The following MINK1 variants were observed in gnomAD, a reference collection of about 807,000 sequenced individuals.
MINK1 encodes misshapen-like kinase 1.
Under a neutral mutation model 178.4 loss-of-function variants are expected in MINK1, and 46 were observed. The ratio of observed to expected loss-of-function variants is 0.26; its 90% confidence interval spans 0.20 to 0.33. MINK1 has a LOEUF of 0.33. Ranked by LOEUF, MINK1 falls within the 10% of genes least tolerant of loss-of-function variation. MINK1 has a pLI of 1.00. For synonymous variants in MINK1, 797 were observed against 709.7 expected, an observed-to-expected ratio of 1.12 and a Z score of -1.96; for missense variants, 1,366 against 1,814.9, an observed-to-expected ratio of 0.75 and a Z score of 4.49.
intron 1 of MINK1, among the ~76,000 whole-genome samples, chr17:4,842,874 C>G (rs906921333): frequency 2.6e-5 from 4 of 152,186 alleles, no homozygotes; most frequent in African/African-American, 7.2e-5. Context: ...TTACTTACAT[C>G]TGGGGGAGTG....
At chr17:4,861,193 T>A (rs570920604) in intron 1 of MINK1, among the ~76,000 whole-genome samples, 2 of 152,200 alleles carry the variant, frequency 1.3e-5, no homozygotes, top group South Asian at 4.1e-4. Context: ...GTGAGGCGAG[T>A]GCAGTGTCAC....
Position 4,886,139 on chromosome 17 carries a change from C to T in MINK1, c.714C>T (p.Pro238=). ...GTCCAGCTCTGTGTGACATGCACCC[C>T]ATGCGAGCCCTCTTCCTCATTCCTC... ...EGAPPLCDMH[P]MRALFLIPRN... is the part of the protein sequence containing the mutation. The change falls in exon 9 of 32, where the codon CCC becomes CCT. Residue 238 remains proline (P), a synonymous_variant. Coordinates refer to ENST00000355280, the MANE Select transcript of MINK1 (RefSeq NM_153827.5). This position sits in a 1 kb window ranked among gnomAD's most constrained non-coding sequence, Gnocchi z 6.1. 6.2e-7 allele frequency: 1 copy of T among 1,613,948 alleles called. No individual in the cohort carries two copies. Among genetic ancestry groups the T allele is most frequent in the Non-Finnish European group, 8.5e-7 (1 of 1,179,864 alleles).
intron 1 of MINK1, chr17:4,875,069 G>C (rs747368381): frequency 1.2e-5 from 6 of 520,100 alleles, no homozygotes; most frequent in South Asian, 8.4e-5. Context: ...AAGAGCTACA[G>C]TTTGATTCAA....
rs887546472 is a variant in MINK1 at position 4,887,847 on chromosome 17, G to A, written c.1230+57G>A. 3 of 1,359,478 alleles carry A rather than the reference G, an allele frequency of 2.2e-6. No homozygotes were observed. The highest frequency in any genetic ancestry group is 2.9e-6 in the Non-Finnish European group (3 of 1,032,282). The allele number at this position is 1,359,478 out of a possible 1,614,324, so 84.2% of individuals were successfully genotyped here. A position where few individuals can be genotyped will look rare whatever the true frequency, so the allele number is the denominator to read the frequency against. ...GCGGCCTCCTCCTGACCTGCCCCGGGTCCATTAGGGCCTTGGAGAACAGGT... is the reference window on the plus strand; with the variant it reads ...GCGGCCTCCTCCTGACCTGCCCCGGATCCATTAGGGCCTTGGAGAACAGGT... On this transcript the variant is annotated intron_variant, in intron 12 of 31. Coordinates refer to ENST00000355280, the MANE Select transcript of MINK1 (RefSeq NM_153827.5). The surrounding 1 kb of genome is among the most constrained non-coding windows in gnomAD (Gnocchi z 7.6).
chr17:4,897,156 AC>A lies in MINK1; in HGVS notation c.3916-41del, dbSNP rs535101918. ...CTTCTTTCCCTCTCCCAGTTGAGACACCCCCCCAACCTCAGCCCTTGGTGAC... is the reference window on the plus strand; with the variant it reads ...CTTCTTTCCCTCTCCCAGTTGAGACACCCCCCAACCTCAGCCCTTGGTGAC... On this transcript the variant is annotated intron_variant, in intron 31 of 31. Transcript: ENST00000355280. The A allele has an allele frequency of 5.0e-5, 76 of 1,512,532 alleles. No homozygotes were observed. The Admixed American group carries it at 5.2e-4, about 10-fold the overall frequency. 93.7% of individuals were successfully genotyped at this position (1,512,532 alleles called of 1,614,324 possible).
At position 4,887,246 on chromosome 17, in the gene MINK1, T is replaced by C; in HGVS notation, c.1019+67T>C. The C allele has an allele frequency of 6.8e-7, 1 of 1,479,452 alleles. No homozygotes were observed. Among genetic ancestry groups the C allele is most frequent in the African/African-American group, 1.4e-5 (1 of 71,668 alleles). 91.6% of individuals were successfully genotyped at this position (1,479,452 alleles called of 1,614,324 possible). On this transcript the variant is annotated intron_variant, in intron 11 of 31. Coordinates refer to ENST00000355280, the MANE Select transcript of MINK1 (RefSeq NM_153827.5). The surrounding 1 kb of genome is among the most constrained non-coding windows in gnomAD (Gnocchi z 7.6). Reference sequence around the variant, plus strand: ...TGAGTGGGGGGACTACAGTGGTGCTTGGCTTTGGGGACTCTCAGCCTGGGG... The same window carrying C: ...TGAGTGGGGGGACTACAGTGGTGCTCGGCTTTGGGGACTCTCAGCCTGGGG...
At chr17:4,893,960 G>A (rs767785723) in intron 21 of MINK1, 28 bp from the exon 22 acceptor site, 9 of 1,530,380 alleles carry the variant, frequency 5.9e-6, no homozygotes, top group Non-Finnish European at 7.9e-6. Flanking sequence ...GGCAGGACCT[G>A]GAGGGGCCCC....
chr17:4,882,374 C>G (rs1414588467), intron 4 of MINK1, among the ~76,000 whole-genome samples: 3 of 152,246 alleles, frequency 2.0e-5, no homozygotes, highest in Non-Finnish European at 4.4e-5. Context: ...TCTTCTCTGC[C>G]TGCGGGTCTC....
At chr17:4,837,245 G>C (rs574518463) in intron 1 of MINK1, among the ~76,000 whole-genome samples, 5 of 152,132 alleles carry the variant, frequency 3.3e-5, no homozygotes, top group African/African-American at 1.2e-4. Flanking sequence ...TGGCTGTTTT[G>C]TTCATTTTTG....
rs148748824 is a variant in MINK1 at position 4,894,489 on chromosome 17, G to C, written c.2809-36G>C. Reference sequence around the variant, plus strand: ...CAGGGGCAGGGCCGCAGCTGGACTTGCACTTGTTTGCCTGACTGCTGTCCC... The same window carrying C: ...CAGGGGCAGGGCCGCAGCTGGACTTCCACTTGTTTGCCTGACTGCTGTCCC... On this transcript the variant is annotated intron_variant, in intron 23 of 31. Transcript: ENST00000355280. This position sits in a 1 kb window ranked among gnomAD's most constrained non-coding sequence, Gnocchi z 4.1. 3.9e-6 allele frequency: 6 copies of C among 1,551,200 alleles called. No individual in the cohort carries two copies. Among genetic ancestry groups the C allele is most frequent in the Non-Finnish European group, 4.4e-6 (5 of 1,142,058 alleles).
chr17:4,859,574 G>C (rs138540601), intron 1 of MINK1, among the ~76,000 whole-genome samples: 5 of 151,932 alleles, frequency 3.3e-5, no homozygotes, highest in Admixed American at 6.6e-5. Context: ...GATCACATGA[G>C]GTCAGGAGTT....
intron 5 of MINK1, 100 bp from the exon 6 acceptor site, chr17:4,884,812 G>GT: frequency 9.5e-7 from 1 of 1,051,478 alleles, no homozygotes; most frequent in South Asian, 1.4e-5. Flanking sequence ...GCCCAGCCCT[G>GT]TCCAGACTGA....
rs1597596810 is a variant in MINK1, at chr17:4,896,432, C to G, written c.3619C>G (p.Gln1207Glu). 1 of 1,613,796 alleles carries G rather than the reference C, an allele frequency of 6.2e-7. No individual in the cohort carries two copies. Among genetic ancestry groups the G allele is most frequent in the Non-Finnish European group, 8.5e-7 (1 of 1,179,770 alleles). The change falls in exon 30 of 32, where the codon CAG becomes GAG. Residue 1207 changes from glutamine to glutamate, a missense_variant. Transcript: ENST00000355280. This position sits in a 1 kb window ranked among gnomAD's most constrained non-coding sequence, Gnocchi z 4.6. ...TAGTCCCCCTCCTTCTCCCCAGATC[C>G]AGAGCCAGATCACGCCCCATGCCAT... Reference protein sequence around the residue: ...SYDIYIPVHIQSQITPHAIIF... With the variant: ...SYDIYIPVHIESQITPHAIIF...
At chr17:4,891,317 C>T (rs1021385763) in intron 15 of MINK1, 139 bp from the exon 16 acceptor site, 1 of 1,276,668 alleles carries the variant, frequency 7.8e-7, no homozygotes, top group African/African-American at 1.5e-5. Flanking sequence ...CCTGACTTAG[C>T]TGTCATCAGG....
At chr17:4,873,701 C>T (rs1038576636) in intron 1 of MINK1, among the ~76,000 whole-genome samples, 2 of 149,886 alleles carry the variant, frequency 1.3e-5, no homozygotes, top group East Asian at 3.9e-4. Context: ...TCACTGCAAC[C>T]TCCACCTCCT....
At chr17:4,867,175 T>C (rs1348955494) in intron 1 of MINK1, among the ~76,000 whole-genome samples, 1 of 133,030 alleles carries the variant, frequency 7.5e-6, no homozygotes, top group African/African-American at 3.1e-5. Context: ...TAAGCCAGGG[T>C]CTTGCTCTGT....
intron 5 of MINK1, among the ~76,000 whole-genome samples, chr17:4,884,684 G>T (rs958323280): frequency 6.6e-6 from 1 of 152,124 alleles, no homozygotes; most frequent in South Asian, 2.1e-4. Context: ...AAGCTCTGCC[G>T]CTTCTCCACC....
rs999173071 is a variant in MINK1 at position 4,876,586 on chromosome 17, A to AT, written c.58-1721dup. 2.1e-4 allele frequency among the ~76,000 whole-genome samples: 31 copies of AT among 149,694 alleles called. No homozygotes were observed. The South Asian group carries it at 3.2e-3, about 15-fold the overall frequency. On this transcript the variant is annotated intron_variant, in intron 1 of 31. Coordinates refer to ENST00000355280, the MANE Select transcript of MINK1 (RefSeq NM_153827.5). ...GGATGTGGGCTTTTTTGGTCGTGGG[A>AT]TTTTTTTTTTCCTCCCAGAAACCCT...
chr17:4,885,751 A>G lies in MINK1; in HGVS notation c.639+138A>G. On this transcript the variant is annotated intron_variant, in intron 7 of 31. Transcript: ENST00000355280. This position sits in a 1 kb window ranked among gnomAD's most constrained non-coding sequence, Gnocchi z 5.0. ...GAGGGGCTGGGGAACATCTTACGGC[A>G]AGGCAAGTGTGGGTGGGAAGATGGG... The G allele has an allele frequency of 7.1e-7, 1 of 1,414,106 alleles. No homozygotes were observed. Among genetic ancestry groups the G allele is most frequent in the Non-Finnish European group, 9.7e-7 (1 of 1,033,944 alleles). The allele number at this position is 1,414,106 out of a possible 1,614,324, so 87.6% of individuals were successfully genotyped here. A position where few individuals can be genotyped will look rare whatever the true frequency, so the allele number is the denominator to read the frequency against.
Sources: gnomAD v4.1 joint callset for allele counts (sites outside exome capture counted in the v4.1 genomes callset) on GRCh38, gnomAD v4.1.1 for gene constraint, Gnocchi (gnomAD v3.1) non-coding constraint, MANE v1.5 for transcripts, NCBI Gene and HGNC (gene_info 2026-07-23, HGNC 2026-07-21) for gene names.